CDK14: variants seen among roughly 807,000 people sequenced by gnomAD.
The protein encoded by CDK14 is cyclin dependent kinase 14, also known as cyclin-dependent kinase 14.
In CDK14, 34 loss-of-function variants were observed where a neutral mutation model predicts 60.7. That is an observed-to-expected ratio of 0.56 (90% CI 0.43 to 0.75). The LOEUF (loss-of-function observed/expected upper bound fraction) is 0.75. CDK14 is among the 30% of genes least tolerant of loss of function. The pLI, the probability that CDK14 is intolerant of heterozygous loss-of-function variation, is 0.00. For synonymous variants in CDK14, 197 were observed against 203.7 expected, an observed-to-expected ratio of 0.97 and a Z score of 0.28; for missense variants, 482 against 564.1, an observed-to-expected ratio of 0.85 and a Z score of 1.47.
chr7:90,989,844 A>C (rs181431447), intron 10 of CDK14, among the ~76,000 whole-genome samples: 2 of 152,108 alleles, frequency 1.3e-5, no homozygotes, highest in African/African-American at 4.8e-5. Flanking sequence ...ACCATTTTTA[A>C]TTTTTTTAAA....
intron 11 of CDK14, among the ~76,000 whole-genome samples, chr7:91,056,561 C>T (rs1259632594): frequency 2.0e-5 from 3 of 151,626 alleles, no homozygotes; most frequent in African/African-American, 7.3e-5. Flanking sequence ...CTCCCGCCTC[C>T]CCCCACCCCA....
chr7:90,642,083 A>C (rs1003226658), intron 2 of CDK14, among the ~76,000 whole-genome samples: 2 of 152,240 alleles, frequency 1.3e-5, no homozygotes, highest in Admixed American at 1.3e-4. Context: ...TATGGGAGCT[A>C]CAAGATGAGA....
intron 4 of CDK14, among the ~76,000 whole-genome samples, chr7:90,779,818 A>G (rs1805232822): frequency 6.6e-6 from 1 of 152,218 alleles, no homozygotes; most frequent in African/African-American, 2.4e-5. Context: ...GATAACATGT[A>G]AAAAGTTAAA....
chr7:90,960,978 A>G (rs1794587171), intron 9 of CDK14, among the ~76,000 whole-genome samples: 2 of 152,076 alleles, frequency 1.3e-5, no homozygotes, highest in Non-Finnish European at 2.9e-5. Flanking sequence ...TTACTTACCT[A>G]TTTTACCATG....
intron 2 of CDK14, among the ~76,000 whole-genome samples, chr7:90,693,485 G>A (rs1196388930): frequency 6.6e-6 from 1 of 152,130 alleles, no homozygotes; most frequent in Non-Finnish European, 1.5e-5. Flanking sequence ...AGGCATCTTT[G>A]TTTTTGCCTT....
At chr7:90,830,955 A>C (rs1404478050) in intron 5 of CDK14, among the ~76,000 whole-genome samples, 1 of 152,292 alleles carries the variant, frequency 6.6e-6, no homozygotes, top group Admixed American at 6.5e-5. Context: ...CCTGGACTTC[A>C]TTGTCCATAT....
rs201433389 is a variant in CDK14 at position 90,699,568 on chromosome 7, GAAGT to G, written c.124-26998_124-26995del. On this transcript the variant is annotated intron_variant, in intron 2 of 14. Coordinates refer to ENST00000380050, the MANE Select transcript of CDK14 (RefSeq NM_001287135.2). ...GCTGTTCTGCATCTGACTTTATGTT[GAAGT>G]TAGTGCCCCAGTGCACCTGTTTATA... Among the ~76,000 whole-genome samples, 1,066 of 152,252 alleles carry G rather than the reference GAAGT, an allele frequency of 7.0e-3. 10 individuals carry two copies. Among genetic ancestry groups the G allele is most frequent in the South Asian group, 0.012 (57 of 4,824 alleles).
At chr7:90,753,889 A>G (rs1252525937) in intron 4 of CDK14, among the ~76,000 whole-genome samples, 2 of 152,196 alleles carry the variant, frequency 1.3e-5, no homozygotes, top group Non-Finnish European at 2.9e-5. Context: ...AATAGCCACA[A>G]AAAATTAAAA....
At chr7:91,078,950 T>C (rs1798401945) in intron 11 of CDK14, among the ~76,000 whole-genome samples, 1 of 152,152 alleles carries the variant, frequency 6.6e-6, no homozygotes, top group Non-Finnish European at 1.5e-5. Context: ...TAAATGTAAA[T>C]ATACGGTATA....
intron 10 of CDK14, among the ~76,000 whole-genome samples, chr7:91,013,708 CTTAAG>C (rs1202760846): frequency 5.7e-5 from 8 of 139,200 alleles, no homozygotes; most frequent in Non-Finnish European, 9.2e-5. Context: ...CTTGATTTAC[CTTAAG>C]TTAAGAAAGA....
chr7:90,666,488 G>A (rs922611467), intron 2 of CDK14: 22 of 152,166 alleles, frequency 1.4e-4, no homozygotes, highest in African/African-American at 5.3e-4. Flanking sequence ...ATGACTTGTT[G>A]CACATGTGGG....
intron 3 of CDK14, among the ~76,000 whole-genome samples, chr7:90,742,554 T>A (rs1321885804): frequency 1.3e-5 from 2 of 152,020 alleles, no homozygotes; most frequent in Non-Finnish European, 2.9e-5. Flanking sequence ...ACTTTTGTCT[T>A]ATATTTTACA....
chr7:90,725,314 CT>C (rs1279123394), intron 2 of CDK14, among the ~76,000 whole-genome samples: 4 of 152,150 alleles, frequency 2.6e-5, no homozygotes, highest in Non-Finnish European at 1.5e-5. Context: ...TTCCTGTATA[CT>C]TTTCACCATG....
intron 2 of CDK14, among the ~76,000 whole-genome samples, chr7:90,709,010 A>G (rs34418368): frequency 0.016 from 2,504 of 152,136 alleles, 32 homozygotes; most frequent in Admixed American, 0.026. Context: ...ACTTGGCACA[A>G]TTTGCCTAAG....
rs975391352 is a variant in CDK14 at position 91,173,898 on chromosome 7, A to C, written c.*29-33267A>C. The stretch of plus-strand genomic sequence containing the variant: ...CTGGGGGAGGGGCACCCGCCATTGC[A>C]CAGGCTTGATTAGGTAAACAAAGCA... On this transcript the variant is annotated intron_variant, in intron 14 of 14. Transcript: ENST00000380050. Among the ~76,000 whole-genome samples, 947 of 152,260 alleles carry C rather than the reference A, an allele frequency of 6.2e-3. 13 individuals carry two copies. The highest frequency in any genetic ancestry group is 0.02 in the Middle Eastern group (6 of 294).
chr7:91,079,088 G>A (rs1350565765), intron 11 of CDK14, among the ~76,000 whole-genome samples: 2 of 152,154 alleles, frequency 1.3e-5, no homozygotes, highest in African/African-American at 4.8e-5. Flanking sequence ...TTGACGAAAT[G>A]TGTTGATATG....
At chr7:90,899,221 A>G (rs1792426814) in intron 6 of CDK14, 70 bp from the exon 7 acceptor site, 2 of 1,251,064 alleles carry the variant, frequency 1.6e-6, no homozygotes, top group Non-Finnish European at 2.2e-6. Context: ...GTGAGTTTGA[A>G]GTAGGAAAAT....
At chr7:90,931,133 C>T (rs1250271320) in intron 8 of CDK14, among the ~76,000 whole-genome samples, 2 of 152,070 alleles carry the variant, frequency 1.3e-5, no homozygotes, top group East Asian at 3.8e-4. Flanking sequence ...TCCTTGATCT[C>T]CCTCAATAAT....
chr7:91,032,532 A>T (rs1041626855), intron 10 of CDK14, among the ~76,000 whole-genome samples: 1 of 152,204 alleles, frequency 6.6e-6, no homozygotes, highest in African/African-American at 2.4e-5. Context: ...TGATGTTCTT[A>T]TAAAAGAGAG....
Sources: gnomAD v4.1 joint callset for allele counts (sites outside exome capture counted in the v4.1 genomes callset) on GRCh38, gnomAD v4.1.1 for gene constraint, MANE v1.5 for transcripts, NCBI Gene and HGNC (gene_info 2026-07-23, HGNC 2026-07-21) for gene names.